The following KSR2 variants were observed in gnomAD, a reference collection of about 807,000 sequenced individuals.
KSR2 encodes the protein kinase suppressor of ras 2.
Under a neutral mutation model 107.8 loss-of-function variants are expected in KSR2, and 25 were observed. The observed-to-expected ratio is 0.23, with a 90% CI of 0.17 to 0.32. The LOEUF (loss-of-function observed/expected upper bound fraction) is 0.32. Ranked by LOEUF, KSR2 falls within the 10% of genes least tolerant of loss-of-function variation. The pLI is 1.00. For missense variants in KSR2, 887 were observed against 1,268.9 expected (o/e 0.70, Z 4.57); for synonymous variants, 480 against 507.0 (o/e 0.95, Z 0.71).
At chr12:117,551,983 C>T (rs1877343788) in intron 9 of KSR2, among the ~76,000 whole-genome samples, 1 of 152,148 alleles carries the variant, frequency 6.6e-6, no homozygotes, top group South Asian at 2.1e-4. Context: ...TGGTTCTGAG[C>T]TCCTCGTCCC....
At chr12:117,777,387 C>T (rs1889733761) in intron 3 of KSR2, among the ~76,000 whole-genome samples, 1 of 151,956 alleles carries the variant, frequency 6.6e-6, no homozygotes, top group Admixed American at 6.6e-5. Context: ...AAAGTACAAA[C>T]AAAATGTGAA....
At chr12:117,962,091 G>A (rs2049448730) in intron 1 of KSR2, among the ~76,000 whole-genome samples, 1 of 147,820 alleles carries the variant, frequency 6.8e-6, no homozygotes, top group Non-Finnish European at 1.5e-5. Flanking sequence ...GCTGCAGTGA[G>A]CTATGATGGC....
chr12:117,569,605 G>A (rs1878745276), intron 7 of KSR2, among the ~76,000 whole-genome samples: 1 of 152,152 alleles, frequency 6.6e-6, no homozygotes, highest in African/African-American at 2.4e-5. Context: ...CATATAAAAT[G>A]TCTTTAGTTA....
At chr12:117,649,096 T>C (rs1883779774) in intron 5 of KSR2, among the ~76,000 whole-genome samples, 1 of 152,170 alleles carries the variant, frequency 6.6e-6, no homozygotes. Context: ...GCAGATGGCA[T>C]CAATATGCAC....
At chr12:117,530,762 C>T (rs1476208531) in intron 12 of KSR2, among the ~76,000 whole-genome samples, 179 bp downstream of exon 12, 1 of 152,124 alleles carries the variant, frequency 6.6e-6, no homozygotes, top group African/African-American at 2.4e-5. Context: ...TGAGCTGTCA[C>T]GCCCTTTCTC....
chr12:117,564,523 C>T (rs1878336356), intron 7 of KSR2, among the ~76,000 whole-genome samples: 1 of 152,328 alleles, frequency 6.6e-6, no homozygotes, highest in Non-Finnish European at 1.5e-5. Context: ...TAGTTAACTT[C>T]TTTTTTCTTT....
chr12:117,869,855 A>G (rs1265926923), intron 1 of KSR2, among the ~76,000 whole-genome samples: 1 of 152,198 alleles, frequency 6.6e-6, no homozygotes, highest in Non-Finnish European at 1.5e-5. Context: ...TGTACTAAAC[A>G]TTTACAGTAT....
chr12:117,563,260 C>T (rs972057365), intron 7 of KSR2, among the ~76,000 whole-genome samples: 1 of 152,150 alleles, frequency 6.6e-6, no homozygotes, highest in East Asian at 1.9e-4. Flanking sequence ...AGCAAGCACA[C>T]GTGAAACTCG....
intron 5 of KSR2, among the ~76,000 whole-genome samples, chr12:117,667,229 A>G (rs1229876377): frequency 2.0e-5 from 3 of 152,092 alleles, no homozygotes; most frequent in African/African-American, 7.2e-5. Flanking sequence ...GGGACCAACG[A>G]CAACACCCAG....
chr12:117,589,709 A>T (rs904809863), intron 5 of KSR2, among the ~76,000 whole-genome samples: 34 of 152,248 alleles, frequency 2.2e-4, no homozygotes, highest in Admixed American at 2.2e-3. Flanking sequence ...GATATCATTC[A>T]CATAGCAGAG....
rs1345798349 is a variant in KSR2 at position 117,601,295 on chromosome 12, T to TGCG, written c.1172-18937_1172-18936insCGC. Reference sequence around the variant, plus strand: ...CTTACTTGTTTAGAATCCAAGATCTTGGGGGGGGGGGTACCTAATTACTAG... The same window carrying TGCG: ...CTTACTTGTTTAGAATCCAAGATCTTGCGGGGGGGGGGGGTACCTAATTACTAG... On this transcript the variant is annotated intron_variant, in intron 5 of 19. Coordinates refer to ENST00000339824, the MANE Select transcript of KSR2 (RefSeq NM_173598.6). 8.9e-5 allele frequency among the ~76,000 whole-genome samples: 12 copies of TGCG among 134,458 alleles called. 1 individual carries two copies. The highest frequency in any genetic ancestry group is 3.3e-4 in the African/African-American group (11 of 33,444). 88.2% of individuals were successfully genotyped at this position (134,458 alleles called of 152,430 possible).
In KSR2 at chr12:117,539,784, G is replaced by A. The variant is rs769288723; in HGVS notation, c.1622C>T (p.Thr541Met). ...GGAAGGGTGTAGGGGAGAAGGCGGC[G>A]TGGCACTAGGAGGGAGGGGGGGTGC... ...SPAPPLPPSA[T>M]PPSPLHPSPQ... The change falls in exon 10 of 20, where the codon ACG becomes ATG. Residue 541 changes from threonine (T) to methionine (M), a missense_variant. By Grantham distance (81) the Thr-to-Met change is moderately conservative. Transcript: ENST00000339824. The A allele has an allele frequency of 1.7e-5, 27 of 1,607,488 alleles. No individual in the cohort carries two copies. Among genetic ancestry groups the A allele is most frequent in the East Asian group, 6.7e-5 (3 of 44,518 alleles).
At chr12:117,639,311 A>G (rs1218880673) in intron 5 of KSR2, among the ~76,000 whole-genome samples, 7 of 145,684 alleles carry the variant, frequency 4.8e-5, no homozygotes, top group Non-Finnish European at 1.1e-4. Context: ...ACACTAGTTT[A>G]TTATTATTAT....
intron 7 of KSR2, among the ~76,000 whole-genome samples, chr12:117,559,721 CTT>C (rs1439986823): frequency 6.6e-6 from 1 of 152,224 alleles, no homozygotes; most frequent in Non-Finnish European, 1.5e-5. Flanking sequence ...ACACCTTGCT[CTT>C]TCCCCTGGAG....
At chr12:117,745,548 C>T (rs1410001230) in intron 4 of KSR2, among the ~76,000 whole-genome samples, 2 of 152,102 alleles carry the variant, frequency 1.3e-5, no homozygotes, top group African/African-American at 4.8e-5. Context: ...TCTCACCACT[C>T]CTATTCAACA....
At chr12:117,816,330 T>C (rs1891368063) in intron 3 of KSR2, among the ~76,000 whole-genome samples, 1 of 151,996 alleles carries the variant, frequency 6.6e-6, no homozygotes, top group South Asian at 2.1e-4. Flanking sequence ...AGCATCAACC[T>C]CCAGCCATGT....
chr12:117,536,059 G>A (rs936508946), intron 10 of KSR2, among the ~76,000 whole-genome samples: 15 of 152,070 alleles, frequency 9.9e-5, no homozygotes, highest in African/African-American at 1.4e-4. Flanking sequence ...GGCTGCACAC[G>A]CCATTCTTGG....
chr12:117,529,194 A>G (rs1875435099), intron 12 of KSR2, among the ~76,000 whole-genome samples: 1 of 152,152 alleles, frequency 6.6e-6, no homozygotes, highest in Admixed American at 6.5e-5. Context: ...GCAACCAAAG[A>G]AGTTAAGGAG....
intron 5 of KSR2, among the ~76,000 whole-genome samples, chr12:117,611,214 A>T (rs1226289532): frequency 6.6e-6 from 1 of 152,152 alleles, no homozygotes. Context: ...TCCTAATCTC[A>T]GCACTCCTGT....
Sources: gnomAD v4.1 joint callset for allele counts (sites outside exome capture counted in the v4.1 genomes callset) on GRCh38, gnomAD v4.1.1 for gene constraint, MANE v1.5 for transcripts, NCBI Gene and HGNC (gene_info 2026-07-23, HGNC 2026-07-21) for gene names.